The following MALRD1 variants were observed in gnomAD, a reference collection of about 807,000 sequenced individuals.
MALRD1 encodes MAM and LDL receptor class A domain containing 1, also known as MAM and LDL-receptor class A domain-containing protein 1.
MALRD1 carries 247 observed loss-of-function variants against 242.1 expected under a neutral mutation model. The observed-to-expected ratio is 1.02, with a 90% CI of 0.92 to 1.13. The LOEUF is 1.13. Ranked by LOEUF, MALRD1 falls within the 50% of genes most tolerant of loss-of-function variation. The pLI, the probability that MALRD1 is intolerant of heterozygous loss-of-function variation, is 0.00. For synonymous variants in MALRD1, 995 were observed against 866.6 expected (o/e 1.15, Z -2.60); for missense variants, 2,989 against 2,533.1 (o/e 1.18, Z -3.86).
intron 19 of MALRD1, among the ~76,000 whole-genome samples, chr10:19,272,059 A>G (rs1437180070): frequency 3.3e-5 from 5 of 152,166 alleles, no homozygotes; most frequent in Non-Finnish European, 7.4e-5. Context: ...GCTGCTCAAT[A>G]GACTAATAGA....
intron 7 of MALRD1, among the ~76,000 whole-genome samples, chr10:19,126,083 G>T (rs1382515659): frequency 6.6e-6 from 1 of 151,868 alleles, no homozygotes; most frequent in Non-Finnish European, 1.5e-5. Context: ...AGTACAGGGT[G>T]ATTTTCCCTC....
intron 24 of MALRD1, among the ~76,000 whole-genome samples, chr10:19,345,874 A>C: frequency 6.6e-6 from 1 of 152,082 alleles, no homozygotes; most frequent in Non-Finnish European, 1.5e-5. Context: ...ATTTTATGTT[A>C]GTATTTTCTT....
intron 36 of MALRD1, among the ~76,000 whole-genome samples, chr10:19,623,274 T>A (rs924321691): frequency 6.6e-6 from 1 of 151,696 alleles, no homozygotes; most frequent in Non-Finnish European, 1.5e-5. Context: ...AGTACAAATA[T>A]CCCTAATACA....
intron 16 of MALRD1, among the ~76,000 whole-genome samples, chr10:19,204,628 C>T (rs1391675525): frequency 6.6e-6 from 1 of 152,106 alleles, no homozygotes; most frequent in Non-Finnish European, 1.5e-5. Flanking sequence ...GGCTCTTTCC[C>T]CCCAACCATG....
At chr10:19,727,413 C>T (rs577467800) in intron 38 of MALRD1, among the ~76,000 whole-genome samples, 6 of 152,146 alleles carry the variant, frequency 3.9e-5, no homozygotes, top group South Asian at 2.1e-4. Flanking sequence ...TAAATATGCT[C>T]GCTAAATTAA....
At position 19,203,735 on chromosome 10, in the gene MALRD1, G is replaced by T. The variant is rs1836656090; in HGVS notation, c.1959G>T (p.Lys653Asn). ...CACATTTTTGTTCTTCAGTTTCCAA[G>T]TGTGACTTTGAAGCAAACAGCTGTG... ...PRTSTQSKFSKCDFEANSCDW... is the reference protein window; with the variant it reads ...PRTSTQSKFSNCDFEANSCDW... The change falls in exon 15 of 40, where the codon AAG (lysine) becomes AAT (asparagine). Residue 653 changes from lysine to asparagine, a missense_variant. Transcript: ENST00000454679. 3 of 1,534,736 alleles carry T rather than the reference G, an allele frequency of 2.0e-6. No individual in the cohort carries two copies. The South Asian group carries it at 3.6e-5, about 18-fold the overall frequency.
At chr10:19,155,424 A>G (rs1001329311) in intron 12 of MALRD1, among the ~76,000 whole-genome samples, 1 of 152,226 alleles carries the variant, frequency 6.6e-6, no homozygotes, top group Admixed American at 6.5e-5. Context: ...AGTCATTTCA[A>G]TAATCTAAAG....
At chr10:19,667,061 G>A (rs1306916683) in intron 36 of MALRD1, among the ~76,000 whole-genome samples, 3 of 152,112 alleles carry the variant, frequency 2.0e-5, no homozygotes, top group Non-Finnish European at 4.4e-5. Flanking sequence ...TACCCTGTAA[G>A]GATTCTTTGA....
intron 26 of MALRD1, 118 bp from the exon 27 acceptor site, chr10:19,387,410 T>G (rs1198760065): frequency 3.1e-6 from 4 of 1,275,800 alleles, no homozygotes; most frequent in Admixed American, 2.9e-5. Context: ...GTACCTCAAA[T>G]TCCTAAGAAC....
At chr10:19,324,433 T>A (rs2130897637) in intron 22 of MALRD1, among the ~76,000 whole-genome samples, 1 of 152,232 alleles carries the variant, frequency 6.6e-6, no homozygotes, top group African/African-American at 2.4e-5. Flanking sequence ...TACACTTGGG[T>A]AATATCTGGA....
Position 19,146,198 on chromosome 10 carries a change from C to T in MALRD1, c.1412C>T (p.Ser471Leu). 1 of 1,231,614 alleles carries T rather than the reference C, an allele frequency of 8.1e-7. No homozygotes were observed. Among genetic ancestry groups the T allele is most frequent in the East Asian group, 3.2e-5 (1 of 31,702 alleles). 76.3% of individuals were successfully genotyped at this position (1,231,614 alleles called of 1,614,324 possible). A position where few individuals can be genotyped will look rare whatever the true frequency, so the allele number is the denominator to read the frequency against. ...CTGTTTTCTCTTCTACGTGTAACAG[C>T]AAAGCATCTCACCTGTGACTTTGAG... ...DESDEDPATCSKHLTCDFESG... is the reference protein window; with the variant it reads ...DESDEDPATCLKHLTCDFESG... The change falls in exon 11 of 40, where the codon TCA (serine) becomes TTA (leucine). Residue 471 changes from serine (S) to leucine (L), a missense_variant and splice_region_variant. Physicochemically the swap from Ser to Leu is moderately radical, Grantham distance 145. Transcript: ENST00000454679.
At chr10:19,200,620 TTTTTTTTCTCCCTCCCTGCTTGAGG>T (rs1836477781) in intron 14 of MALRD1, among the ~76,000 whole-genome samples, 1 of 150,054 alleles carries the variant, frequency 6.7e-6, no homozygotes, top group Admixed American at 6.7e-5. Flanking sequence ...ATTCTGGGCT[TTTTTTTTCTCCCTCCCTGCTTGAGG>T]TTTTTTTTTT....
chr10:19,060,664 T>C (rs1448161531), intron 1 of MALRD1, among the ~76,000 whole-genome samples: 2 of 152,246 alleles, frequency 1.3e-5, no homozygotes, highest in Non-Finnish European at 2.9e-5. Flanking sequence ...TTGGATAGTC[T>C]GTTTTTCCTT....
chr10:19,230,488 A>G (rs1317577690), intron 18 of MALRD1, among the ~76,000 whole-genome samples: 2 of 152,130 alleles, frequency 1.3e-5, no homozygotes, highest in African/African-American at 2.4e-5. Flanking sequence ...AGGAGGTGTC[A>G]GTCTCTTTTA....
intron 18 of MALRD1, among the ~76,000 whole-genome samples, chr10:19,232,283 C>G (rs923523974): frequency 3.3e-5 from 5 of 151,710 alleles, no homozygotes; most frequent in Non-Finnish European, 7.4e-5. Context: ...TCTCCTGCCT[C>G]AGTCTCCCAA....
intron 32 of MALRD1, among the ~76,000 whole-genome samples, chr10:19,544,582 A>G (rs1305820128): frequency 1.3e-5 from 2 of 150,262 alleles, no homozygotes; most frequent in Non-Finnish European, 3.0e-5. Flanking sequence ...TTTTTTTTCT[A>G]AAGTGGACGA....
chr10:19,231,465 T>C (rs984251385), intron 18 of MALRD1, among the ~76,000 whole-genome samples: 1 of 152,166 alleles, frequency 6.6e-6, no homozygotes, highest in Admixed American at 6.5e-5. Flanking sequence ...TGTCTCTGCC[T>C]GAATCTCACC....
chr10:19,574,455 A>G (rs191889894), intron 33 of MALRD1, among the ~76,000 whole-genome samples: 10 of 152,296 alleles, frequency 6.6e-5, no homozygotes, highest in Middle Eastern at 3.4e-3. Context: ...TCAGCCTCCA[A>G]AGTTGTTCTC....
chr10:19,175,414 G>C (rs879503648), intron 14 of MALRD1, 86 bp downstream of exon 14: 6 of 977,526 alleles, frequency 6.1e-6, no homozygotes, highest in African/African-American at 1.7e-5. Flanking sequence ...TTAGAGTCAC[G>C]AATACCTAAT....
Sources: gnomAD v4.1 joint callset for allele counts (sites outside exome capture counted in the v4.1 genomes callset) on GRCh38, gnomAD v4.1.1 for gene constraint, MANE v1.5 for transcripts, NCBI Gene and HGNC (gene_info 2026-07-23, HGNC 2026-07-21) for gene names.